The following SMARCC1 variants were observed in gnomAD, a reference collection of about 807,000 sequenced individuals.
SMARCC1 encodes the protein SWI/SNF complex subunit SMARCC1.
SMARCC1 carries 43 observed loss-of-function variants against 147.4 expected under a neutral mutation model. The observed-to-expected ratio is 0.29, with a 90% confidence interval of 0.23 to 0.38. The LOEUF is 0.38. Ranked by LOEUF, SMARCC1 falls within the 10% of genes least tolerant of loss-of-function variation. SMARCC1 has a pLI of 1.00. For missense variants in SMARCC1, 1,119 were observed against 1,381.1 expected (o/e 0.81, Z 3.01); for synonymous variants, 495 against 484.4 (o/e 1.02, Z -0.29).
intron 26 of SMARCC1, among the ~76,000 whole-genome samples, chr3:47,595,772 T>C (rs2032267136): frequency 6.6e-6 from 1 of 150,666 alleles, no homozygotes; most frequent in Non-Finnish European, 1.5e-5. Context: ...TCTCACTCTG[T>C]TGCCCAGGCT....
chr3:47,626,912 C>A (rs757317518), intron 24 of SMARCC1, among the ~76,000 whole-genome samples: 4 of 152,118 alleles, frequency 2.6e-5, no homozygotes, highest in African/African-American at 9.7e-5. Context: ...ACCTCAGTTA[C>A]CCCTGTCAAG....
intron 11 of SMARCC1, among the ~76,000 whole-genome samples, chr3:47,697,492 T>C (rs1576414620): frequency 6.6e-6 from 1 of 151,142 alleles, no homozygotes; most frequent in East Asian, 2.0e-4. Context: ...AGTAGAGCTC[T>C]GGTTTCAACT....
Position 47,781,627 on chromosome 3 carries a change from G to A in SMARCC1, c.171C>T (p.Val57=). The A allele has an allele frequency of 6.4e-7, 1 of 1,554,204 alleles. No homozygotes were observed. Among genetic ancestry groups the A allele is most frequent in the Non-Finnish European group, 8.7e-7 (1 of 1,154,358 alleles). Residue 57 remains valine, a synonymous_variant, in exon 1 of 28, where the codon GTC becomes GTT. Coordinates refer to ENST00000254480, the MANE Select transcript of SMARCC1 (RefSeq NM_003074.4). Reference sequence around the variant, plus strand: ...CCTTCTTGTAGTGCTTGCCCAGCCAGACCCGCACCGAATCCAGCTGGGACA... The same window carrying A: ...CCTTCTTGTAGTGCTTGCCCAGCCAAACCCGCACCGAATCCAGCTGGGACA... ...ETVSQLDSVR[V]WLGKHYKKYV... is the part of the protein sequence containing the mutation.
At chr3:47,715,201 A>G (rs1576419939) in intron 7 of SMARCC1, among the ~76,000 whole-genome samples, 1 of 152,146 alleles carries the variant, frequency 6.6e-6, no homozygotes, top group Admixed American at 6.6e-5. Context: ...GATGACTTCA[A>G]ATTTTATATC....
At chr3:47,618,000 T>C (rs1044800899) in intron 25 of SMARCC1, among the ~76,000 whole-genome samples, 3 of 152,110 alleles carry the variant, frequency 2.0e-5, no homozygotes, top group Non-Finnish European at 4.4e-5. Flanking sequence ...ACTAATACAA[T>C]TGGATTATTG....
At chr3:47,764,405 A>C (rs2034811215) in intron 2 of SMARCC1, among the ~76,000 whole-genome samples, 1 of 152,206 alleles carries the variant, frequency 6.6e-6, no homozygotes, top group African/African-American at 2.4e-5. Flanking sequence ...AGGGAGAGAG[A>C]GAAAGATGAA....
At chr3:47,639,690 G>A (rs753694077) in intron 21 of SMARCC1, among the ~76,000 whole-genome samples, 2 of 151,500 alleles carry the variant, frequency 1.3e-5, no homozygotes, top group Non-Finnish European at 1.5e-5. Context: ...CTCCGGCCTG[G>A]GAGACAGAGT....
chr3:47,636,173 C>CA, intron 22 of SMARCC1, 37 bp from the exon 23 acceptor site: 5 of 1,134,826 alleles, frequency 4.4e-6, no homozygotes, highest in South Asian at 2.6e-5. Flanking sequence ...AGGCAGTGAA[C>CA]AAAAAAACCC....
chr3:47,590,733 G>C lies in SMARCC1; in HGVS notation c.3148C>G (p.Pro1050Ala). ...NIHPSGSGPT[P>A]PGMPPMPGNI... ...CCTGGCATTGGTGGCATGCCAGGAGGGGTAGGGCCACTCCCAGAGGGGTGG... is the reference window on the plus strand; with the variant it reads ...CCTGGCATTGGTGGCATGCCAGGAGCGGTAGGGCCACTCCCAGAGGGGTGG... The change falls in exon 27 of 28, where the codon CCT becomes GCT. Residue 1050 changes from proline (P) to alanine (A), a missense_variant. Coordinates refer to ENST00000254480, the MANE Select transcript of SMARCC1 (RefSeq NM_003074.4). 1 of 1,600,056 alleles carries C rather than the reference G, an allele frequency of 6.2e-7. No individual in the cohort carries two copies. Among genetic ancestry groups the C allele is most frequent in the East Asian group, 2.3e-5 (1 of 43,850 alleles).
At chr3:47,777,383 T>C (rs550097771) in intron 1 of SMARCC1, among the ~76,000 whole-genome samples, 1 of 151,776 alleles carries the variant, frequency 6.6e-6, no homozygotes, top group East Asian at 2.0e-4. Flanking sequence ...ATGCCCGGCC[T>C]ATATTTTTAA....
intron 24 of SMARCC1, among the ~76,000 whole-genome samples, chr3:47,630,414 G>A (rs925752957): frequency 3.3e-5 from 5 of 152,202 alleles, no homozygotes; most frequent in Non-Finnish European, 7.3e-5. Flanking sequence ...GCTCCTAACA[G>A]GCCAGTGGGG....
intron 21 of SMARCC1, among the ~76,000 whole-genome samples, chr3:47,659,953 C>T (rs2033321787): frequency 6.6e-6 from 1 of 151,980 alleles, no homozygotes; most frequent in African/African-American, 2.4e-5. Context: ...AAATGTTATA[C>T]ATTACGGGTA....
rs761196312 is a variant in SMARCC1, at chr3:47,635,193, G to T, written c.2643C>A (p.Ala881=). ...AAAAGGGCTGTCAGGGGCAAACCTT[G>T]GCTTTGGTAGCCGCTGAGGCAAGAG... ...AAALASAATK[A]KHLAAVEERK... The change falls in exon 24 of 28, where the codon GCC becomes GCA. Residue 881 remains alanine (A), a synonymous_variant. Transcript: ENST00000254480. 1.4e-5 allele frequency: 23 copies of T among 1,613,416 alleles called. No individual in the cohort carries two copies. The highest frequency in any genetic ancestry group is 1.9e-5 in the Non-Finnish European group (23 of 1,179,880).
Position 47,588,217 on chromosome 3 carries a change from C to T in SMARCC1, c.3310G>A (p.Ala1104Thr). The T allele has an allele frequency of 1.2e-6, 2 of 1,613,144 alleles. No homozygotes were observed. Among genetic ancestry groups the T allele is most frequent in the Non-Finnish European group, 1.7e-6 (2 of 1,179,432 alleles). The change falls in exon 28 of 28, where the codon GCT (alanine) becomes ACT (threonine). Residue 1104 changes from alanine (A) to threonine (T), a missense_variant. Ala to Thr is a moderately conservative substitution (Grantham distance 58). This residue lies in a region of SMARCC1 where 186 missense variants were observed against 216.5 expected (regional missense o/e 0.86). Coordinates refer to ENST00000254480, the MANE Select transcript of SMARCC1 (RefSeq NM_003074.4). ...TCCCTGCATCTTCCAGGCTAAGGAG[C>T]AGCTGAGGCTGGCGGGCCAGGAGCA... ...PPAPGPPASA[A>T]P
At chr3:47,703,321 T>G (rs1010004552) in intron 10 of SMARCC1, among the ~76,000 whole-genome samples, 4 of 152,340 alleles carry the variant, frequency 2.6e-5, no homozygotes, top group Admixed American at 2.6e-4. Flanking sequence ...CTCAGGGTTT[T>G]AAGGTTACAT....
rs2034560062 is a variant in SMARCC1, at chr3:47,745,963, C to T, written c.346G>A (p.Gly116Ser). 1 of 1,584,562 alleles carries T rather than the reference C, an allele frequency of 6.3e-7. No individual in the cohort carries two copies. The highest frequency in any genetic ancestry group is 1.4e-5 in the African/African-American group (1 of 73,222). The change falls in exon 3 of 28, where the codon GGC (glycine) becomes AGC (serine). Residue 116 changes from glycine to serine, a missense_variant. Coordinates refer to ENST00000254480, the MANE Select transcript of SMARCC1 (RefSeq NM_003074.4). ...AKCFMDFKAG[G>S]ALCHILGAAY... The stretch of plus-strand genomic sequence containing the variant: ...GCCCCAAGAATGTGACATAAGGCGC[C>T]TCCAGCTTTGAAATCCATGAAACAC...
intron 12 of SMARCC1, among the ~76,000 whole-genome samples, chr3:47,692,225 A>G (rs2033797792): frequency 6.6e-6 from 1 of 152,220 alleles, no homozygotes; most frequent in Admixed American, 6.5e-5. Context: ...AAGATGTTTA[A>G]AACTACCCCT....
At chr3:47,668,890 A>C (rs2033457984) in intron 19 of SMARCC1, among the ~76,000 whole-genome samples, 1 of 152,150 alleles carries the variant, frequency 6.6e-6, no homozygotes, top group Admixed American at 6.5e-5. Flanking sequence ...TGTCTTAAAA[A>C]AAAAAAAAAG....
intron 16 of SMARCC1, among the ~76,000 whole-genome samples, chr3:47,677,879 C>T (rs1196974563): frequency 6.6e-6 from 1 of 152,132 alleles, no homozygotes; most frequent in Non-Finnish European, 1.5e-5. Context: ...ATGCTGAACA[C>T]AGTGCTCATG....
Sources: gnomAD v4.1 joint callset for allele counts (sites outside exome capture counted in the v4.1 genomes callset) on GRCh38, gnomAD v4.1.1 for gene constraint, gnomAD v4.1.1 regional missense constraint, MANE v1.5 for transcripts, NCBI Gene and HGNC (gene_info 2026-07-23, HGNC 2026-07-21) for gene names.